Variants in INPP5A observed in about 807,000 individuals in gnomAD.
The protein encoded by INPP5A is inositol polyphosphate-5-phosphatase A.
Under a neutral mutation model 65.2 loss-of-function variants are expected in INPP5A, and 14 were observed. The observed-to-expected ratio is 0.21, with a 90% CI of 0.14 to 0.34. INPP5A has a LOEUF of 0.34. Among genes scored for constraint, INPP5A ranks in the 10% least tolerant of loss-of-function variants. The probability of loss-of-function intolerance (pLI) is 1.00; values close to 1 mark genes in which losing one functional copy is unlikely to be tolerated. For missense variants in INPP5A, 431 were observed against 545.6 expected, an observed-to-expected ratio of 0.79 and a Z score of 2.09; for synonymous variants, 207 against 208.3, an observed-to-expected ratio of 0.99 and a Z score of 0.05.
At chr10:132,730,578 G>A (rs1048140911) in intron 9 of INPP5A, among the ~76,000 whole-genome samples, 1 of 152,252 alleles carries the variant, frequency 6.6e-6, no homozygotes, top group Non-Finnish European at 1.5e-5. Flanking sequence ...CGGGTGTGGG[G>A]CTTGCCTGGC....
chr10:132,574,943 C>T (rs1234670115), intron 1 of INPP5A, among the ~76,000 whole-genome samples: 1 of 152,106 alleles, frequency 6.6e-6, no homozygotes, highest in Non-Finnish European at 1.5e-5. Context: ...CTGGTAGGCA[C>T]GGACTTCTGG....
chr10:132,683,302 A>G (rs1327979835), intron 4 of INPP5A, among the ~76,000 whole-genome samples: 5 of 146,650 alleles, frequency 3.4e-5, no homozygotes, highest in Non-Finnish European at 7.4e-5. Context: ...CGTGTGTGTT[A>G]TCCTATGTGG....
At chr10:132,583,252 T>TG (rs1225697524) in intron 1 of INPP5A, among the ~76,000 whole-genome samples, 1 of 152,240 alleles carries the variant, frequency 6.6e-6, no homozygotes, top group African/African-American at 2.4e-5. Context: ...GAGATGCAGA[T>TG]GCATGGTTGT....
intron 12 of INPP5A, among the ~76,000 whole-genome samples, chr10:132,776,305 G>A (rs1157555355): frequency 6.6e-6 from 1 of 152,082 alleles, no homozygotes; most frequent in Non-Finnish European, 1.5e-5. Flanking sequence ...TGTGGCTCCC[G>A]CTGGAGCGCG....
Position 132,547,036 on chromosome 10 carries a change from T to C in INPP5A, c.75+8865T>C, listed in dbSNP as rs1435950218. On this transcript the variant is annotated intron_variant, in intron 1 of 15. Coordinates refer to ENST00000368594, the MANE Select transcript of INPP5A (RefSeq NM_005539.5). The surrounding 1 kb of genome is among the most constrained non-coding windows in gnomAD (Gnocchi z 5.5). ...TCCTCATTCCAGGAACCAGAGGAGATTGAAGAACCCGAGACTTGGCTTTGG... is the reference window on the plus strand; with the variant it reads ...TCCTCATTCCAGGAACCAGAGGAGACTGAAGAACCCGAGACTTGGCTTTGG... Among the ~76,000 whole-genome samples the C allele has an allele frequency of 1.3e-5, 2 of 152,136 alleles. No individual in the cohort carries two copies. The highest frequency in any genetic ancestry group is 2.9e-5 in the Non-Finnish European group (2 of 67,996).
At chr10:132,539,005 AC>A (rs1481874730) in intron 1 of INPP5A, among the ~76,000 whole-genome samples, 1 of 151,716 alleles carries the variant, frequency 6.6e-6, no homozygotes, top group Non-Finnish European at 1.5e-5. Context: ...CAGGCCCCAA[AC>A]CCAATTCTGG....
chr10:132,632,465 C>T (rs1020881728), intron 2 of INPP5A, among the ~76,000 whole-genome samples: 1 of 152,238 alleles, frequency 6.6e-6, no homozygotes, highest in African/African-American at 2.4e-5. Context: ...TGACACCTCA[C>T]AGCGACCGTC....
intron 7 of INPP5A, among the ~76,000 whole-genome samples, chr10:132,708,805 C>T (rs540375073): frequency 1.3e-5 from 2 of 152,358 alleles, no homozygotes; most frequent in South Asian, 4.1e-4. Flanking sequence ...ATCCTCTGGC[C>T]TGGCCTTTCT....
chr10:132,725,610 C>T (rs1845972356), intron 8 of INPP5A, among the ~76,000 whole-genome samples: 2 of 152,226 alleles, frequency 1.3e-5, no homozygotes, highest in Non-Finnish European at 2.9e-5. Flanking sequence ...CTACCGTGCC[C>T]CTCATGCCCC....
rs1846743939 is a variant in INPP5A at position 132,762,067 on chromosome 10, G to A, written c.904-3706G>A. Among the ~76,000 whole-genome samples the A allele has an allele frequency of 6.6e-6, 1 of 152,176 alleles. No homozygotes were observed. Among genetic ancestry groups the A allele is most frequent in the Non-Finnish European group, 1.5e-5 (1 of 68,034 alleles). On this transcript the variant is annotated intron_variant, in intron 11 of 15. Coordinates refer to ENST00000368594, the MANE Select transcript of INPP5A (RefSeq NM_005539.5). The surrounding 1 kb of genome is among the most constrained non-coding windows in gnomAD (Gnocchi z 4.6). ...ACAGCTGGAGAAGGGATTGAGGAAT[G>A]GGATGGCAGGCCTGGGGAATGGCCC...
intron 2 of INPP5A, among the ~76,000 whole-genome samples, chr10:132,640,658 G>A (rs547280978): frequency 5.3e-5 from 8 of 152,232 alleles, no homozygotes; most frequent in Non-Finnish European, 1.0e-4. Context: ...GGTTGTCCTC[G>A]GCGGGAACAG....
At chr10:132,560,048 C>T (rs147093717) in intron 1 of INPP5A, among the ~76,000 whole-genome samples, 102 of 151,500 alleles carry the variant, frequency 6.7e-4, no homozygotes, top group African/African-American at 2.2e-3. Context: ...GAACATGTGT[C>T]TCCAGCTCTT....
intron 1 of INPP5A, among the ~76,000 whole-genome samples, chr10:132,585,868 G>C (rs2071538868): frequency 6.6e-6 from 1 of 152,208 alleles, no homozygotes; most frequent in Non-Finnish European, 1.5e-5. Flanking sequence ...TCCACTGCTG[G>C]TTCCTGCTAG....
In INPP5A at chr10:132,765,760, T is replaced by C; in HGVS notation, c.904-13T>C. On this transcript the variant is annotated splice_polypyrimidine_tract_variant and intron_variant, in intron 11 of 15. Transcript: ENST00000368594. ...CCAATGTGACTTTATTTTCTGCTCTTTCTTTTCTTTAGCTCTTGGAGTTTG... is the reference window on the plus strand; with the variant it reads ...CCAATGTGACTTTATTTTCTGCTCTCTCTTTTCTTTAGCTCTTGGAGTTTG... 6.4e-7 allele frequency: 1 copy of C among 1,564,674 alleles called. No individual in the cohort carries two copies. Among genetic ancestry groups the C allele is most frequent in the South Asian group, 1.1e-5 (1 of 90,076 alleles).
intron 11 of INPP5A, among the ~76,000 whole-genome samples, chr10:132,750,952 G>A (rs1396351942): frequency 1.3e-5 from 2 of 152,208 alleles, no homozygotes; most frequent in East Asian, 3.9e-4. Context: ...CTGTGTGTCA[G>A]TTTCCCCTCG....
chr10:132,623,967 C>T lies in INPP5A; in HGVS notation c.117+16011C>T, dbSNP rs192311077. ...ACATAATCAGTACGTGCCTATTAGA[C>T]TGGCTAAAATTCAATTGGCTGTAAA... On this transcript the variant is annotated intron_variant, in intron 2 of 15. Transcript: ENST00000368594. Among the ~76,000 whole-genome samples, 134 of 152,302 alleles carry T rather than the reference C, an allele frequency of 8.8e-4. 1 individual carries two copies. The highest frequency in any genetic ancestry group is 2.7e-3 in the Admixed American group (41 of 15,302).
intron 8 of INPP5A, among the ~76,000 whole-genome samples, chr10:132,722,416 T>C (rs1226952921): frequency 6.6e-6 from 1 of 152,122 alleles, no homozygotes; most frequent in Non-Finnish European, 1.5e-5. Flanking sequence ...ACTAGCCCCA[T>C]TCGAGTCTGA....
chr10:132,703,090 A>G (rs1344240478), intron 6 of INPP5A, among the ~76,000 whole-genome samples: 1 of 152,006 alleles, frequency 6.6e-6, no homozygotes, highest in Non-Finnish European at 1.5e-5. Flanking sequence ...CGTTTCTCCC[A>G]GAGGAGCTGG....
chr10:132,594,338 C>T (rs967722958), intron 1 of INPP5A, among the ~76,000 whole-genome samples: 1 of 152,234 alleles, frequency 6.6e-6, no homozygotes, highest in Admixed American at 6.5e-5. Flanking sequence ...ACAGACGTGG[C>T]TAGTGCAGGT....
Sources: gnomAD v4.1 joint callset for allele counts (sites outside exome capture counted in the v4.1 genomes callset) on GRCh38, gnomAD v4.1.1 for gene constraint, Gnocchi (gnomAD v3.1) non-coding constraint, MANE v1.5 for transcripts, NCBI Gene and HGNC (gene_info 2026-07-23, HGNC 2026-07-21) for gene names.